Variants in DOK7 observed in about 807,000 individuals in gnomAD.
The protein encoded by DOK7 is docking protein 7.
A neutral mutation model predicts 30.7 loss-of-function variants in DOK7; 32 were observed. The ratio of observed to expected loss-of-function variants is 1.04; its 90% CI spans 0.79 to 1.40. The LOEUF (loss-of-function observed/expected upper bound fraction) is 1.40. Among genes scored for constraint, DOK7 ranks in the 40% most tolerant of loss-of-function variants. The probability of loss-of-function intolerance (pLI) is 0.00; values close to 1 mark genes in which losing one functional copy is unlikely to be tolerated. For synonymous variants in DOK7, 447 were observed against 324.1 expected (o/e 1.38, Z -4.07); for missense variants, 1,007 against 699.2 (o/e 1.44, Z -4.97).
intron 3 of DOK7, among the ~76,000 whole-genome samples, chr4:3,474,312 C>G (rs575050462): frequency 6.6e-6 from 1 of 152,334 alleles, no homozygotes; most frequent in South Asian, 2.1e-4. Context: ...AGAATGTCCA[C>G]TGAGTTGAGT....
intron 6 of DOK7, among the ~76,000 whole-genome samples, chr4:3,490,073 C>CCTTTCTTCACCCCCTCATTCATTT (rs1728119547): frequency 7.7e-6 from 1 of 129,504 alleles, no homozygotes; most frequent in Non-Finnish European, 1.6e-5. Flanking sequence ...TCCCCCCATT[C>CCTTTCTTCACCCCCTCATTCATTT]CTTTCTTCAC....
At chr4:3,497,327 G>A (rs983452091), downstream of DOK7, among the ~76,000 whole-genome samples, 3 of 152,088 alleles carry the variant, frequency 2.0e-5, no homozygotes, top group Non-Finnish European at 4.4e-5. Context: ...GGCCTGTGGA[G>A]GCTGGGCTGG....
chr4:3,499,187 G>C (rs922321096), downstream of DOK7, among the ~76,000 whole-genome samples: 4 of 152,222 alleles, frequency 2.6e-5, no homozygotes, highest in African/African-American at 9.6e-5. Context: ...CCCTCCCCTG[G>C]ACAGGCAGGT....
intron 2 of DOK7, among the ~76,000 whole-genome samples, chr4:3,467,194 C>A (rs889471015): frequency 2.6e-5 from 4 of 151,828 alleles, no homozygotes; most frequent in African/African-American, 9.7e-5. Flanking sequence ...GGGACCCCCC[C>A]CACTGCGTCC....
In DOK7 at chr4:3,474,096, G is replaced by C. The variant is rs538535321; in HGVS notation, c.331+460G>C. On this transcript the variant is annotated intron_variant, in intron 3 of 6. Transcript: ENST00000340083. Reference sequence around the variant, plus strand: ...GAAGGGAGTGCTCCCCTGTGGAACTGGCCCTGGAAGAGGTGGAACGTCAGT... The same window carrying C: ...GAAGGGAGTGCTCCCCTGTGGAACTCGCCCTGGAAGAGGTGGAACGTCAGT... Among the ~76,000 whole-genome samples the C allele has an allele frequency of 6.6e-5, 10 of 152,280 alleles. No individual in the cohort carries two copies. In the South Asian group the frequency reaches 2.1e-3, roughly 32 times the overall value.
chr4:3,496,729 G>T (rs1402475192), downstream of DOK7: 12 of 1,423,124 alleles, frequency 8.4e-6, no homozygotes, highest in Non-Finnish European at 1.1e-5. Flanking sequence ...TGTCACTCTT[G>T]GGGGGTAGTG....
chr4:3,493,201 T>G lies in DOK7; in HGVS notation c.1215T>G (p.Tyr405Ter), dbSNP rs544278158. 4 of 1,611,716 alleles carry G rather than the reference T, an allele frequency of 2.5e-6. No individual in the cohort carries two copies. The highest frequency in any genetic ancestry group is 2.5e-6 in the Non-Finnish European group (3 of 1,179,584). Reference sequence around the variant, plus strand: ...TGCCCACCTCCCTGCGGGCCCACTATGACACACCACGCAGCCTTTGCCTGG... The same window carrying G: ...TGCCCACCTCCCTGCGGGCCCACTAGGACACACCACGCAGCCTTTGCCTGG... ...YQVPTSLRAHYDTPRSLCLAP... is the reference protein window; with the variant it reads ...YQVPTSLRAH The change falls in exon 7 of 7, where the codon TAT becomes TAG. Residue 405 changes from tyrosine (Y) to a stop codon, truncating the protein, a stop_gained. Transcript: ENST00000340083. LOFTEE classifies it low-confidence loss of function (END_TRUNC).
intron 2 of DOK7, among the ~76,000 whole-genome samples, chr4:3,465,828 C>CG (rs1396853887): frequency 6.6e-5 from 10 of 152,210 alleles, no homozygotes; most frequent in Admixed American, 6.5e-4. Context: ...GGCAGGGCCC[C>CG]GGGGGAGGAG....
At chr4:3,488,939 A>G (rs1727986351) in intron 5 of DOK7, among the ~76,000 whole-genome samples, 1 of 152,214 alleles carries the variant, frequency 6.6e-6, no homozygotes, top group Admixed American at 6.5e-5. Flanking sequence ...ACATCCCAGC[A>G]TGGGCGGGGG....
At chr4:3,494,668 G>A (rs199673032), downstream of DOK7, among the ~76,000 whole-genome samples, 23 of 116,064 alleles carry the variant, frequency 2.0e-4, no homozygotes, top group African/African-American at 7.1e-4. Flanking sequence ...AGGCAGCTCC[G>A]GGCAGCCCCC....
downstream of DOK7, chr4:3,496,720 G>A: frequency 2.9e-6 from 4 of 1,358,832 alleles, no homozygotes; most frequent in South Asian, 4.0e-5. Context: ...CCCAGCCTGT[G>A]TCACTCTTGG....
chr4:3,473,395 G>A lies in DOK7; in HGVS notation c.101-11G>A, dbSNP rs2344209. The stretch of plus-strand genomic sequence containing the variant: ...GTTGGCTGGCGTCCCTGACGGCCAC[G>A]CTCCTTGCAGACTGCCTGCTGATGC... On this transcript the variant is annotated splice_polypyrimidine_tract_variant and intron_variant, in intron 2 of 6. Coordinates refer to ENST00000340083, the MANE Select transcript of DOK7 (RefSeq NM_173660.5). The A allele has an allele frequency of 0.13, 211,013 of 1,609,870 alleles. 14,716 individuals are homozygous for A. Among genetic ancestry groups the A allele is most frequent in the Middle Eastern group, 0.2 (874 of 4,434 alleles).
intron 4 of DOK7, among the ~76,000 whole-genome samples, chr4:3,478,164 G>A (rs907681407): frequency 6.6e-6 from 1 of 152,210 alleles, no homozygotes; most frequent in Non-Finnish European, 1.5e-5. Flanking sequence ...GGCCGGGGTG[G>A]CGCCGCGTGC....
Position 3,473,427 on chromosome 4 carries a change from A to G in DOK7, c.122A>G (p.Tyr41Cys). ...GCAGACTGCCTGCTGATGCTGGTCT[A>G]CAAGGACAAGTCGGAGCGTATCAAG... ...PVADCLLMLV[Y>C]KDKSERIKGL... Residue 41 changes from tyrosine (Y) to cysteine (C), a missense_variant, in exon 3 of 7, where the codon TAC becomes TGC. Tyr to Cys is a radical substitution (Grantham distance 194). Transcript: ENST00000340083. 6.2e-7 allele frequency: 1 copy of G among 1,610,926 alleles called. No individual in the cohort carries two copies. The highest frequency in any genetic ancestry group is 8.5e-7 in the Non-Finnish European group (1 of 1,179,810).
At chr4:3,499,235 T>G (rs1473156071), downstream of DOK7, among the ~76,000 whole-genome samples, 2 of 152,010 alleles carry the variant, frequency 1.3e-5, no homozygotes, top group Non-Finnish European at 2.9e-5. Flanking sequence ...TGTCACCCGC[T>G]GGATCCCAGC....
intron 2 of DOK7, among the ~76,000 whole-genome samples, chr4:3,468,957 G>T (rs1726555509): frequency 6.8e-6 from 1 of 146,752 alleles, no homozygotes; most frequent in African/African-American, 2.6e-5. Flanking sequence ...GTGTGAGTGT[G>T]GTGCCTGTAT....
In DOK7 at chr4:3,490,810, C is replaced by T. The variant is rs561483139; in HGVS notation, c.772+1014C>T. 1.1e-3 allele frequency among the ~76,000 whole-genome samples: 66 copies of T among 59,882 alleles called. 1 individual carries two copies. In the East Asian group the frequency reaches 0.033, roughly 30 times the overall value. 39.3% of individuals were successfully genotyped at this position (59,882 alleles called of 152,430 possible). A position where few individuals can be genotyped will look rare whatever the true frequency, so the allele number is the denominator to read the frequency against. The stretch of plus-strand genomic sequence containing the variant: ...ATTCATTCCTTCCTCTGCCCCCCCG[C>T]TCATTCATTCCTGCCTTCCCCCCAT... On this transcript the variant is annotated intron_variant, in intron 6 of 6. Coordinates refer to ENST00000340083, the MANE Select transcript of DOK7 (RefSeq NM_173660.5).
downstream of DOK7, among the ~76,000 whole-genome samples, chr4:3,497,311 G>C (rs371277289): frequency 3.9e-5 from 6 of 152,100 alleles, no homozygotes; most frequent in African/African-American, 7.2e-5. Flanking sequence ...CTCAGACAGC[G>C]GTGGGGGCCT....
At position 3,489,749 on chromosome 4, in the gene DOK7, A is replaced by G. The variant is rs1472743226; in HGVS notation, c.725A>G (p.Glu242Gly). The change falls in exon 6 of 7, where the codon GAG (glutamate) becomes GGG (glycine). Residue 242 changes from glutamate to glycine, a missense_variant. Transcript: ENST00000340083. ...GAAGCCCTGGAAACCCTACAGCTGG[A>G]GAAGCGGCTGAGCCTCCTCTCACAT... ...AQEALETLQL[E>G]KRLSLLSHAG... 6.4e-7 allele frequency: 1 copy of G among 1,570,952 alleles called. No homozygotes were observed. Among genetic ancestry groups the G allele is most frequent in the South Asian group, 1.2e-5 (1 of 85,540 alleles).
Sources: gnomAD v4.1 joint callset for allele counts (sites outside exome capture counted in the v4.1 genomes callset) on GRCh38, gnomAD v4.1.1 for gene constraint, MANE v1.5 for transcripts, NCBI Gene and HGNC (gene_info 2026-07-23, HGNC 2026-07-21) for gene names.